Variants in GKN2 observed in about 807,000 individuals in gnomAD.
GKN2 encodes gastrokine 2.
A neutral mutation model predicts 22.7 loss-of-function variants in GKN2; 17 were observed. The ratio of observed to expected loss-of-function variants is 0.75; its 90% CI spans 0.51 to 1.13. The LOEUF is 1.13. GKN2 is among the 50% of genes most tolerant of loss of function. The probability of loss-of-function intolerance (pLI) is 0.00; values close to 1 mark genes in which losing one functional copy is unlikely to be tolerated. For synonymous variants in GKN2, 82 were observed against 79.6 expected (o/e 1.03, Z -0.16); for missense variants, 248 against 221.4 (o/e 1.12, Z -0.76).
chr2:68,950,619 TCTA>T, intron 2 of GKN2, 80 bp downstream of exon 2: 4 of 1,223,778 alleles, frequency 3.3e-6, no homozygotes, highest in Non-Finnish European at 4.8e-6. Flanking sequence ...ATATGGCCTC[TCTA>T]CTGTCTTCAG....
chr2:68,947,217 A>C lies in GKN2; in HGVS notation c.245T>G (p.Phe82Cys). The change falls in exon 4 of 6, where the codon TTT (phenylalanine) becomes TGT (cysteine). Residue 82 changes from phenylalanine to cysteine, a missense_variant. Coordinates refer to ENST00000328895, the MANE Select transcript of GKN2 (RefSeq NM_182536.3). The stretch of plus-strand genomic sequence containing the variant: ...GTTCTGATGGTCCATCTTCAGGATA[A>C]AGCAGGCTCTTCGGGAGAGCACCCT... ...ASRVLSRRAC[F>C]ILKMDHQNIP... 6.2e-7 allele frequency: 1 copy of C among 1,613,966 alleles called. No homozygotes were observed. The highest frequency in any genetic ancestry group is 8.5e-7 in the Non-Finnish European group (1 of 1,179,856).
chr2:68,952,530 G>T (rs145148216), intron 1 of GKN2, among the ~76,000 whole-genome samples: 79 of 152,272 alleles, frequency 5.2e-4, no homozygotes, highest in African/African-American at 1.8e-3. Context: ...AGCAAATGTA[G>T]TTGTTTTAAA....
In GKN2 at chr2:68,945,361, A is replaced by G; in HGVS notation, c.*7T>C. 1 of 1,573,378 alleles carries G rather than the reference A, an allele frequency of 6.4e-7. No individual in the cohort carries two copies. The highest frequency in any genetic ancestry group is 8.7e-7 in the Non-Finnish European group (1 of 1,152,902). On this transcript the variant is annotated 3_prime_UTR_variant, in exon 6 of 6. Transcript: ENST00000328895. ...TTTGAAAAGATAAAACAAGAGGGCT[A>G]ATCATCCTAAACATGAATGTCTGCA...
chr2:68,949,131 T>C (rs933541380), intron 3 of GKN2, among the ~76,000 whole-genome samples: 2 of 152,162 alleles, frequency 1.3e-5, no homozygotes, highest in Admixed American at 6.5e-5. Flanking sequence ...GGAACCTAGG[T>C]AGAAGCAGGT....
Position 68,945,441 on chromosome 2 carries a change from C to A in GKN2, c.482G>T (p.Gly161Val). 1 of 1,607,800 alleles carries A rather than the reference C, an allele frequency of 6.2e-7. No homozygotes were observed. The highest frequency in any genetic ancestry group is 8.5e-7 in the Non-Finnish European group (1 of 1,176,308). ...CCCAGCCTTTGCACAGCCTCCAGCA[C>A]CGACATTATCTGGAAAAGGGAAAAT... ...GEVVENTHNVGAGGCAKAGLL... is the reference protein window; with the variant it reads ...GEVVENTHNVVAGGCAKAGLL... The change falls in exon 6 of 6, where the codon GGT becomes GTT. Residue 161 changes from glycine to valine, a missense_variant. Transcript: ENST00000328895.
intron 5 of GKN2, 35 bp from the exon 6 acceptor site, chr2:68,945,485 T>C (rs758266693): frequency 7.2e-7 from 1 of 1,395,838 alleles, no homozygotes; most frequent in South Asian, 1.2e-5. Flanking sequence ...GAAAGAGCAT[T>C]AAAAAATATA....
chr2:68,950,284 A>C (rs1216915095), intron 2 of GKN2, 21 bp from the exon 3 acceptor site: 1 of 1,596,528 alleles, frequency 6.3e-7, no homozygotes, highest in Admixed American at 1.8e-5. Context: ...AAGAAAGACA[A>C]AATGTTTTTC....
At position 68,952,808 on chromosome 2, in the gene GKN2, C is replaced by A. The variant is rs74619915; in HGVS notation, c.12+42G>T. On this transcript the variant is annotated intron_variant, in intron 1 of 5. Coordinates refer to ENST00000328895, the MANE Select transcript of GKN2 (RefSeq NM_182536.3). ...ATTAGATATGAGCATTGTCTGCAAG[C>A]AGTCACCACAAGAGTATCAAGAAGC... The A allele has an allele frequency of 7.5e-6, 12 of 1,609,734 alleles. No homozygotes were observed. The East Asian group carries it at 2.0e-4, about 27-fold the overall frequency.
Position 68,945,259 on chromosome 2 carries a change from G to A in GKN2, c.*109C>T, listed in dbSNP as rs1161781320. ...TATAAATACAGCATTTATATTTTCT[G>A]ACTGAATCTCAAAATTAGTTGGGGC... On this transcript the variant is annotated 3_prime_UTR_variant, in exon 6 of 6. Transcript: ENST00000328895. 1.3e-6 allele frequency: 1 copy of A among 781,972 alleles called. No individual in the cohort carries two copies. The highest frequency in any genetic ancestry group is 1.7e-5 in the African/African-American group (1 of 58,320). The allele number at this position is 781,972 out of a possible 1,614,324, so 48.4% of individuals were successfully genotyped here.
At position 68,948,411 on chromosome 2, in the gene GKN2, T is replaced by C. The variant is rs1168095379; in HGVS notation, c.205-1154A>G. Among the ~76,000 whole-genome samples, 13 of 152,184 alleles carry C rather than the reference T, an allele frequency of 8.5e-5. No individual in the cohort carries two copies. In the East Asian group the frequency reaches 2.5e-3, roughly 29 times the overall value. ...CGGCTGGGGGCTTCCCTATTGGAAA[T>C]TCAAATCTAGAACACTTCCACCGCT... On this transcript the variant is annotated intron_variant, in intron 3 of 5. Transcript: ENST00000328895.
intron 4 of GKN2, among the ~76,000 whole-genome samples, chr2:68,946,896 A>G (rs1421061209): frequency 6.6e-6 from 1 of 152,206 alleles, no homozygotes; most frequent in Non-Finnish European, 1.5e-5. Context: ...TCCTTGCTAT[A>G]ATGTCACTGG....
At chr2:68,948,583 T>A (rs1484362051) in intron 3 of GKN2, among the ~76,000 whole-genome samples, 2 of 152,114 alleles carry the variant, frequency 1.3e-5, no homozygotes, top group African/African-American at 4.8e-5. Context: ...CCCTTCTCCA[T>A]CTCAAACCCA....
At position 68,950,115 on chromosome 2, in the gene GKN2, T is replaced by A. The variant is rs199701244; in HGVS notation, c.204+11A>T. 4.6e-4 allele frequency: 737 copies of A among 1,611,650 alleles called. 7 individuals carry two copies. In the African/African-American group the frequency reaches 8.3e-3, roughly 18 times the overall value. ...AGTCCTGATGAATATGAAAATTCAT[T>A]TGCTGCTTACATGTTTATAGTCAAA... On this transcript the variant is annotated intron_variant, in intron 3 of 5. Transcript: ENST00000328895.
At chr2:68,947,844 G>A (rs573811297) in intron 3 of GKN2, among the ~76,000 whole-genome samples, 15 of 152,232 alleles carry the variant, frequency 9.9e-5, no homozygotes, top group African/African-American at 3.6e-4. Flanking sequence ...CCCACCTTGA[G>A]CTCCCAAAGT....
rs761112386 is a variant in GKN2 at position 68,950,780 on chromosome 2, A to G, written c.13-25T>C. The G allele has an allele frequency of 2.5e-6, 4 of 1,612,670 alleles. No homozygotes were observed. The South Asian group carries it at 4.4e-5, about 18-fold the overall frequency. ...CCTGAAAAACAGACCCACCACATCC[A>G]TTCTTTATAGGGTAGTCATTGAGTG... On this transcript the variant is annotated intron_variant, in intron 1 of 5. Coordinates refer to ENST00000328895, the MANE Select transcript of GKN2 (RefSeq NM_182536.3).
rs1669750702 is a variant in GKN2 at position 68,945,425 on chromosome 2, T to C, written c.498A>G (p.Ala166=). The change falls in exon 6 of 6, where the codon GCA becomes GCG. Residue 166 remains alanine (A), a synonymous_variant. Coordinates refer to ENST00000328895, the MANE Select transcript of GKN2 (RefSeq NM_182536.3). ...NTHNVGAGGC[A]KAGLLGILGI... ...CCAAGATGCCCAGGAGCCCAGCCTT[T>C]GCACAGCCTCCAGCACCGACATTAT... 5 of 1,611,604 alleles carry C rather than the reference T, an allele frequency of 3.1e-6. No homozygotes were observed. Among genetic ancestry groups the C allele is most frequent in the Non-Finnish European group, 4.2e-6 (5 of 1,178,440 alleles).
intron 3 of GKN2, among the ~76,000 whole-genome samples, chr2:68,948,041 C>T (rs550415113): frequency 3.9e-4 from 60 of 152,046 alleles, no homozygotes; most frequent in African/African-American, 3.4e-4. Context: ...GTCAGGAGAT[C>T]GAGACCATCC....
intron 5 of GKN2, chr2:68,945,699 C>T (rs1669755416): frequency 3.0e-6 from 1 of 333,176 alleles, no homozygotes; most frequent in Admixed American, 4.0e-5. Context: ...CTTTATCTAC[C>T]TTCCAGTACT....
At chr2:68,948,803 A>G (rs1280434577) in intron 3 of GKN2, among the ~76,000 whole-genome samples, 1 of 152,220 alleles carries the variant, frequency 6.6e-6, no homozygotes, top group African/African-American at 2.4e-5. Flanking sequence ...ACAAATTGTC[A>G]GTTCCTAAAA....
Sources: allele counts gnomAD v4.1 joint callset (sites outside exome capture counted in the v4.1 genomes callset), GRCh38; gene constraint gnomAD v4.1.1; transcripts MANE v1.5; gene names NCBI Gene and HGNC (gene_info 2026-07-23, HGNC 2026-07-21).